Variants in GMDS observed in about 807,000 individuals in gnomAD.
The protein encoded by GMDS is GDP-mannose 4,6 dehydratase.
GMDS carries 20 observed loss-of-function variants against 49.9 expected under a neutral mutation model. That is an observed-to-expected ratio of 0.40 (90% CI 0.28 to 0.58). The LOEUF (loss-of-function observed/expected upper bound fraction) is 0.58, where lower values mean the gene tolerates loss of function less well. Among genes scored for constraint, GMDS ranks in the 20% least tolerant of loss-of-function variants. The pLI, the probability that GMDS is intolerant of heterozygous loss-of-function variation, is 0.42. For synonymous variants in GMDS, 177 were observed against 178.6 expected, an observed-to-expected ratio of 0.99 and a Z score of 0.07; for missense variants, 362 against 481.4, an observed-to-expected ratio of 0.75 and a Z score of 2.32.
In GMDS at chr6:1,673,767, T is replaced by A. The variant is rs530905368; in HGVS notation, c.988-49227A>T. 4.6e-5 allele frequency among the ~76,000 whole-genome samples: 7 copies of A among 152,132 alleles called. No homozygotes were observed. The South Asian group carries it at 1.5e-3, about 32-fold the overall frequency. ...CTCCATAGTTTCGCCTTTCCCAGAA[T>A]GTCATATAGCTGGAATCATACAGTA... On this transcript the variant is annotated intron_variant, in intron 9 of 10. Coordinates refer to ENST00000380815, the MANE Select transcript of GMDS (RefSeq NM_001500.4).
At chr6:1,813,320 T>A (rs755769470) in intron 7 of GMDS, among the ~76,000 whole-genome samples, 13 of 147,858 alleles carry the variant, frequency 8.8e-5, no homozygotes, top group Non-Finnish European at 1.9e-4. Context: ...TGGGAAAGAA[T>A]AAGAATTATT....
At chr6:1,926,306 G>C (rs540139442) in intron 7 of GMDS, among the ~76,000 whole-genome samples, 4 of 152,296 alleles carry the variant, frequency 2.6e-5, no homozygotes, top group Admixed American at 2.0e-4. Context: ...TGTAACACAT[G>C]CGCACAGAGG....
intron 8 of GMDS, among the ~76,000 whole-genome samples, chr6:1,730,384 C>A (rs768846154): frequency 6.6e-6 from 1 of 152,208 alleles, no homozygotes; most frequent in Non-Finnish European, 1.5e-5. Flanking sequence ...CTAGAAAAGT[C>A]TCCTAAACCA....
chr6:1,883,412 A>G lies in GMDS; in HGVS notation c.771+46691T>C, dbSNP rs1360040990. Among the ~76,000 whole-genome samples, 3 of 152,286 alleles carry G rather than the reference A, an allele frequency of 2.0e-5. No homozygotes were observed. The East Asian group carries it at 5.8e-4, about 29-fold the overall frequency. The stretch of plus-strand genomic sequence containing the variant: ...CTCAAAAAAAATAAAATAAAATGAT[A>G]ATAATAATTTTATGGAAATCACAAT... On this transcript the variant is annotated intron_variant, in intron 7 of 10. Coordinates refer to ENST00000380815, the MANE Select transcript of GMDS (RefSeq NM_001500.4).
intron 9 of GMDS, among the ~76,000 whole-genome samples, chr6:1,708,725 G>A (rs573487705): frequency 6.6e-6 from 1 of 152,250 alleles, no homozygotes; most frequent in Non-Finnish European, 1.5e-5. Context: ...AGCGCCGGGG[G>A]CCTCTGGGCC....
At chr6:2,235,468 CAA>C (rs1302994433) in intron 1 of GMDS, among the ~76,000 whole-genome samples, 1 of 152,034 alleles carries the variant, frequency 6.6e-6, no homozygotes, top group Non-Finnish European at 1.5e-5. Flanking sequence ...AAAAAGAAAA[CAA>C]ATGCAAAGCT....
intron 7 of GMDS, among the ~76,000 whole-genome samples, chr6:1,898,368 T>A (rs530485605): frequency 6.6e-6 from 1 of 152,340 alleles, no homozygotes; most frequent in South Asian, 2.1e-4. Context: ...CCTAGTTGAG[T>A]CTCTTTAAGA....
intron 7 of GMDS, among the ~76,000 whole-genome samples, chr6:1,875,808 C>G (rs926147960): frequency 1.3e-5 from 2 of 151,344 alleles, no homozygotes; most frequent in Non-Finnish European, 2.9e-5. Context: ...AGCGCAACAC[C>G]TGAGGTCACG....
At chr6:1,953,399 A>G (rs1384574475) in intron 6 of GMDS, among the ~76,000 whole-genome samples, 1 of 152,240 alleles carries the variant, frequency 6.6e-6, no homozygotes, top group East Asian at 1.9e-4. Context: ...GAAATCAGGG[A>G]TAATCTAATC....
chr6:1,666,757 T>TAC (rs1156406931), intron 9 of GMDS, among the ~76,000 whole-genome samples: 2 of 152,332 alleles, frequency 1.3e-5, no homozygotes, highest in African/African-American at 4.8e-5. Flanking sequence ...TTATGACATT[T>TAC]ACATTTTTGG....
chr6:2,152,849 A>G (rs1433850047), intron 1 of GMDS, among the ~76,000 whole-genome samples: 4 of 152,216 alleles, frequency 2.6e-5, no homozygotes, highest in African/African-American at 9.6e-5. Context: ...ATATAACTAT[A>G]TCAGAGATAC....
chr6:2,111,756 G>A (rs1774556565), intron 4 of GMDS, among the ~76,000 whole-genome samples: 1 of 152,054 alleles, frequency 6.6e-6, no homozygotes, highest in African/African-American at 2.4e-5. Context: ...TAATCTTATG[G>A]CAAACATTAC....
intron 7 of GMDS, among the ~76,000 whole-genome samples, chr6:1,881,506 T>C (rs1292885373): frequency 6.6e-6 from 1 of 152,242 alleles, no homozygotes; most frequent in Non-Finnish European, 1.5e-5. Flanking sequence ...ACCATAAATC[T>C]GTCATGCAGC....
chr6:2,119,185 C>G (rs2127502896), intron 2 of GMDS, among the ~76,000 whole-genome samples: 1 of 152,220 alleles, frequency 6.6e-6, no homozygotes, highest in East Asian at 1.9e-4. Context: ...CTGGGGAAGT[C>G]ACATATTCCA....
chr6:1,694,438 G>A (rs1370908124), intron 9 of GMDS, among the ~76,000 whole-genome samples: 1 of 152,222 alleles, frequency 6.6e-6, no homozygotes. Flanking sequence ...TACAGAAGTA[G>A]AAACTGAGGC....
At chr6:2,087,605 A>G (rs1773084425) in intron 4 of GMDS, among the ~76,000 whole-genome samples, 1 of 152,230 alleles carries the variant, frequency 6.6e-6, no homozygotes, top group African/African-American at 2.4e-5. Flanking sequence ...GTTTATTCTC[A>G]GTACCCAGAA....
intron 7 of GMDS, among the ~76,000 whole-genome samples, chr6:1,920,439 G>A (rs568043838): frequency 6.6e-6 from 1 of 152,362 alleles, no homozygotes; most frequent in South Asian, 2.1e-4. Flanking sequence ...CTTCTAGCTT[G>A]TGTGTGTATA....
At chr6:2,194,190 G>C (rs1160836961) in intron 1 of GMDS, among the ~76,000 whole-genome samples, 1 of 152,116 alleles carries the variant, frequency 6.6e-6, no homozygotes, top group Admixed American at 6.5e-5. Context: ...GGGAGGAAAA[G>C]GCATCTATTG....
intron 4 of GMDS, among the ~76,000 whole-genome samples, chr6:2,046,356 T>G (rs1049521702): frequency 6.6e-6 from 1 of 152,256 alleles, no homozygotes; most frequent in Non-Finnish European, 1.5e-5. Flanking sequence ...ATGAAATAAC[T>G]AGATTATCAT....
Sources: gnomAD v4.1 joint callset for allele counts (sites outside exome capture counted in the v4.1 genomes callset) on GRCh38, gnomAD v4.1.1 for gene constraint, MANE v1.5 for transcripts, NCBI Gene and HGNC (gene_info 2026-07-23, HGNC 2026-07-21) for gene names.